The following GNAS variants were observed in gnomAD, a reference collection of about 807,000 sequenced individuals.
GNAS encodes the protein GNAS complex locus, also known as protein ALEX.
GNAS carries 8 observed loss-of-function variants against 54.5 expected under a neutral mutation model. That is an observed-to-expected ratio of 0.15 (90% CI 0.09 to 0.26). GNAS has a LOEUF of 0.26. Ranked by LOEUF, GNAS falls within the 10% of genes least tolerant of loss-of-function variation. The pLI, the probability that GNAS is intolerant of heterozygous loss-of-function variation, is 1.00. For missense variants in GNAS, 170 were observed against 529.8 expected, an observed-to-expected ratio of 0.32 and a Z score of 6.67; for synonymous variants, 204 against 191.4, an observed-to-expected ratio of 1.07 and a Z score of -0.54.
At chr20:58,895,918 A>T (rs2090002513) in intron 2 of GNAS, among the ~76,000 whole-genome samples, 1 of 152,016 alleles carries the variant, frequency 6.6e-6, no homozygotes. Context: ...TGTGACAAAC[A>T]TCTCCCTATC....
At chr20:58,854,272 C>G (rs779435206) in intron 1 of GNAS, 1 of 1,612,074 alleles carries the variant, frequency 6.2e-7, no homozygotes, top group Non-Finnish European at 8.5e-7. Flanking sequence ...GACGGCCCGC[C>G]CATCAAGGTC....
intron 1 of GNAS, chr20:58,851,011 C>T (rs932138053): frequency 2.0e-5 from 8 of 398,008 alleles, no homozygotes; most frequent in African/African-American, 4.1e-5. Flanking sequence ...GCGCTGGGGT[C>T]GGAGGGGAGT....
chr20:58,896,824 C>T (rs965295619), intron 2 of GNAS, among the ~76,000 whole-genome samples: 1 of 152,028 alleles, frequency 6.6e-6, no homozygotes, highest in Non-Finnish European at 1.5e-5. Context: ...CTTCAGCTTC[C>T]ATTTCAAAAG....
At chr20:58,851,099 C>T (rs1600694324) in intron 1 of GNAS, among the ~76,000 whole-genome samples, 2 of 152,262 alleles carry the variant, frequency 1.3e-5, no homozygotes, top group Non-Finnish European at 1.5e-5. Context: ...TGTAGTTGGC[C>T]AAAGTTTGAA....
At chr20:58,847,836 T>G in intron 1 of GNAS, among the ~76,000 whole-genome samples, 1 of 152,150 alleles carries the variant, frequency 6.6e-6, no homozygotes, top group East Asian at 1.9e-4. Context: ...TACCTAAACT[T>G]GAGATATGCC....
In GNAS at chr20:58,854,797, G is replaced by A. The variant is rs763548981; in HGVS notation, c.43+13911G>A. On this transcript the variant is annotated intron_variant, in intron 1 of 12. Coordinates refer to the GNAS transcript ENST00000306090. ...TCTGCCACCCGGGCAGCCCAAGTCCGCCGGGCGGCCTCTGCAGCCCCTGCC... is the reference window on the plus strand; with the variant it reads ...TCTGCCACCCGGGCAGCCCAAGTCCACCGGGCGGCCTCTGCAGCCCCTGCC... 3.2e-6 allele frequency: 5 copies of A among 1,578,874 alleles called. No individual in the cohort carries two copies. The African/African-American group carries it at 5.4e-5, about 17-fold the overall frequency.
At chr20:58,883,761 G>A (rs576551320) in intron 1 of GNAS, among the ~76,000 whole-genome samples, 177 of 152,206 alleles carry the variant, frequency 1.2e-3, no homozygotes, top group African/African-American at 4.1e-3. Context: ...AAATCAAGCA[G>A]AGGAAGGCTG....
At chr20:58,851,446 G>A (rs1213659524) in intron 1 of GNAS, among the ~76,000 whole-genome samples, 2 of 152,150 alleles carry the variant, frequency 1.3e-5, no homozygotes, top group African/African-American at 2.4e-5. Flanking sequence ...CAGGTCAGAT[G>A]ACCCCCTGCC....
chr20:58,864,708 G>A (rs1341185151), intron 1 of GNAS, among the ~76,000 whole-genome samples: 1 of 152,176 alleles, frequency 6.6e-6, no homozygotes, highest in Admixed American at 6.5e-5. Flanking sequence ...CCCCAGGACA[G>A]ACCTTGGATT....
At chr20:58,899,979 TTC>T (rs1189843489) in intron 3 of GNAS, 1 of 717,618 alleles carries the variant, frequency 1.4e-6, no homozygotes, top group African/African-American at 1.7e-5. Flanking sequence ...TGGCTACAGT[TTC>T]TCATCTTCCC....
chr20:58,885,345 G>GC (rs1162106343), intron 1 of GNAS, among the ~76,000 whole-genome samples: 1 of 152,214 alleles, frequency 6.6e-6, no homozygotes, highest in Non-Finnish European at 1.5e-5. Flanking sequence ...TGTTTGAACA[G>GC]CATCTCAAAG....
chr20:58,903,472 C>A lies in GNAS; in HGVS notation c.258-59C>A, dbSNP rs780419633. On this transcript the variant is annotated intron_variant, in intron 3 of 12. Coordinates refer to ENST00000371085, the MANE Select transcript of GNAS (RefSeq NM_000516.7). Reference sequence around the variant, plus strand: ...TTTAGTCGGGATGTCTTTATGAAAGCAGTACTCCTAACTGACATGGTGCAA... The same window carrying A: ...TTTAGTCGGGATGTCTTTATGAAAGAAGTACTCCTAACTGACATGGTGCAA... The A allele has an allele frequency of 2.0e-5, 27 of 1,325,406 alleles. No individual in the cohort carries two copies. In the South Asian group the frequency reaches 2.5e-4, roughly 12 times the overall value. 82.1% of individuals were successfully genotyped at this position (1,325,406 alleles called of 1,614,324 possible).
intron 1 of GNAS, chr20:58,855,672 CCCG>C (rs1568930685): frequency 1.5e-6 from 1 of 687,336 alleles, no homozygotes; most frequent in South Asian, 1.6e-5. Context: ...GGGGAGGGGC[CCCG>C]GGGCCCCGGG....
At chr20:58,889,296 G>GGGC (rs1323271377), upstream of GNAS, 17 of 990,092 alleles carry the variant, frequency 1.7e-5, no homozygotes, top group Non-Finnish European at 1.7e-5. Flanking sequence ...TCCCGGCGCG[G>GGGC]GGCGGCGGCG....
In GNAS at chr20:58,909,724, C is replaced by T. The variant is rs2091316189; in HGVS notation, c.759C>T (p.Tyr253=). 1.9e-6 allele frequency: 3 copies of T among 1,614,102 alleles called. No homozygotes were observed. The highest frequency in any genetic ancestry group is 2.5e-6 in the Non-Finnish European group (3 of 1,179,942). The change falls in exon 10 of 13, where the codon TAC becomes TAT. Residue 253 remains tyrosine, a synonymous_variant. Coordinates refer to ENST00000371085, the MANE Select transcript of GNAS (RefSeq NM_000516.7). The surrounding 1 kb of genome is among the most constrained non-coding windows in gnomAD (Gnocchi z 7.3). ...AIIFVVASSS[Y]NMVIREDNQT... ...TCTTCGTGGTGGCCAGCAGCAGCTACAACATGGTCATCCGGGAGGACAACC... is the reference window on the plus strand; with the variant it reads ...TCTTCGTGGTGGCCAGCAGCAGCTATAACATGGTCATCCGGGAGGACAACC...
intron 1 of GNAS, among the ~76,000 whole-genome samples, chr20:58,882,605 C>A (rs2145801890): frequency 6.6e-6 from 1 of 152,266 alleles, no homozygotes; most frequent in South Asian, 2.1e-4. Flanking sequence ...ACAGCTGTAG[C>A]GTTATTTCAG....
In GNAS at chr20:58,840,985, G is replaced by A; in HGVS notation, c.43+99G>A. 2 of 1,290,112 alleles carry A rather than the reference G, an allele frequency of 1.6e-6. No individual in the cohort carries two copies. Among genetic ancestry groups the A allele is most frequent in the Admixed American group, 3.9e-5 (2 of 50,860 alleles). The allele number at this position is 1,290,112 out of a possible 1,614,324, so 79.9% of individuals were successfully genotyped here. A position where few individuals can be genotyped will look rare whatever the true frequency, so the allele number is the denominator to read the frequency against. ...GGAAAGGCAGGTCAGGGGCGAGTGG[G>A]AAGAGAGGAGGCTCAGCTGGTCAGC... On this transcript the variant is annotated intron_variant, in intron 1 of 12. Coordinates refer to the GNAS transcript ENST00000306090. This position sits in a 1 kb window ranked among gnomAD's most constrained non-coding sequence, Gnocchi z 6.0.
intron 1 of GNAS, among the ~76,000 whole-genome samples, chr20:58,883,287 C>A (rs577551071): frequency 6.6e-6 from 1 of 152,094 alleles, no homozygotes; most frequent in Non-Finnish European, 1.5e-5. Flanking sequence ...GTAAAGTCAG[C>A]GACATTCTTT....
At chr20:58,908,372 C>T (rs2091221262) in intron 6 of GNAS, among the ~76,000 whole-genome samples, 1 of 152,060 alleles carries the variant, frequency 6.6e-6, no homozygotes, top group African/African-American at 2.4e-5. Flanking sequence ...TTTCATGGAC[C>T]AAACAGAACG....
Sources: allele counts gnomAD v4.1 joint callset (sites outside exome capture counted in the v4.1 genomes callset), GRCh38; gene constraint gnomAD v4.1.1; non-coding constraint Gnocchi (gnomAD v3.1); transcripts MANE v1.5; gene names NCBI Gene and HGNC (gene_info 2026-07-23, HGNC 2026-07-21).